RELL1: variants seen among roughly 807,000 people sequenced by gnomAD.
The protein encoded by RELL1 is RELT like 1.
Under a neutral mutation model 23.0 loss-of-function variants are expected in RELL1, and 10 were observed. The ratio of observed to expected loss-of-function variants is 0.43; its 90% CI spans 0.27 to 0.74. The LOEUF is 0.74. Among genes scored for constraint, RELL1 ranks in the 30% least tolerant of loss-of-function variants. The pLI, the probability that RELL1 is intolerant of heterozygous loss-of-function variation, is 0.19. For missense variants in RELL1, 315 were observed against 364.4 expected (o/e 0.86, Z 1.10); for synonymous variants, 146 against 146.8 (o/e 0.99, Z 0.04).
At chr4:37,599,704 A>G (rs1718966433) in intron 6 of RELL1, among the ~76,000 whole-genome samples, 1 of 152,138 alleles carries the variant, frequency 6.6e-6, no homozygotes, top group Non-Finnish European at 1.5e-5. Flanking sequence ...CTTCAGCTTT[A>G]TCTGTAAAAT....
intron 1 of RELL1, among the ~76,000 whole-genome samples, chr4:37,675,389 T>C (rs1303270291): frequency 1.3e-5 from 2 of 152,218 alleles, no homozygotes; most frequent in African/African-American, 4.8e-5. Context: ...ATTCCCCTTC[T>C]CTTCATCTTG....
chr4:37,649,687 C>T (rs932323402), intron 1 of RELL1, among the ~76,000 whole-genome samples, 187 bp from the exon 2 acceptor site: 39 of 152,262 alleles, frequency 2.6e-4, no homozygotes, highest in African/African-American at 9.4e-4. Context: ...GAGTTTAACT[C>T]TGCTACTCAT....
In RELL1 at chr4:37,590,929, G is replaced by A. The variant is rs1192322350; in HGVS notation, c.*292C>T. ...GGATGGGGAGATTGTGGACGAGGAT[G>A]CAGCGGTGGCGGAGGCCCTTGCAGC... On this transcript the variant is annotated 3_prime_UTR_variant, in exon 7 of 7. Coordinates refer to the RELL1 transcript ENST00000314117. 6 of 1,614,250 alleles carry A rather than the reference G, an allele frequency of 3.7e-6. No homozygotes were observed. The South Asian group carries it at 4.4e-5, about 12-fold the overall frequency.
chr4:37,674,334 G>C (rs1047684007), intron 1 of RELL1, among the ~76,000 whole-genome samples: 2 of 152,194 alleles, frequency 1.3e-5, no homozygotes, highest in Non-Finnish European at 2.9e-5. Flanking sequence ...TGATCTACAA[G>C]TTTTACCTGC....
chr4:37,660,828 A>G (rs370711665), intron 1 of RELL1, among the ~76,000 whole-genome samples: 168 of 152,250 alleles, frequency 1.1e-3, no homozygotes, highest in South Asian at 3.5e-3. Flanking sequence ...TCAGGAGATC[A>G]AGACCATCCT....
intron 1 of RELL1, among the ~76,000 whole-genome samples, chr4:37,664,331 G>A (rs985975009): frequency 6.7e-6 from 1 of 149,942 alleles, no homozygotes; most frequent in African/African-American, 2.5e-5. Flanking sequence ...GGCTTGCAGT[G>A]AGCTGAGATC....
intron 1 of RELL1, among the ~76,000 whole-genome samples, chr4:37,659,644 C>T (rs996842525): frequency 4.7e-4 from 71 of 152,132 alleles, no homozygotes; most frequent in African/African-American, 1.5e-3. Context: ...CCTCCCTGGG[C>T]CTCAGTTTCC....
At chr4:37,627,659 T>C (rs78821065) in intron 6 of RELL1, among the ~76,000 whole-genome samples, 3,885 of 152,270 alleles carry the variant, frequency 0.026, 192 homozygotes, top group East Asian at 0.12. Flanking sequence ...CTATTTAGAA[T>C]ATAAGTTTAG....
chr4:37,652,963 TG>T (rs1349414159), intron 1 of RELL1, among the ~76,000 whole-genome samples: 1 of 152,228 alleles, frequency 6.6e-6, no homozygotes, highest in Non-Finnish European at 1.5e-5. Flanking sequence ...TTAACTGTTC[TG>T]TACTCTGTTT....
intron 2 of RELL1, among the ~76,000 whole-genome samples, chr4:37,648,822 T>C (rs1720795687): frequency 6.6e-6 from 1 of 152,234 alleles, no homozygotes; most frequent in African/African-American, 2.4e-5. Flanking sequence ...TTCACTCTTA[T>C]TCGAATCTGA....
chr4:37,681,394 A>G (rs4832931), intron 1 of RELL1, among the ~76,000 whole-genome samples: 150,483 of 152,292 alleles, frequency 0.99, 74,367 homozygotes, highest in East Asian at 1. Flanking sequence ...TTTCAGAGAC[A>G]AGAGCTCAGT....
chr4:37,681,883 C>G (rs1183366019), intron 1 of RELL1, among the ~76,000 whole-genome samples: 2 of 152,140 alleles, frequency 1.3e-5, no homozygotes, highest in Non-Finnish European at 2.9e-5. Context: ...GGTGCTCTTT[C>G]CACCATAGCA....
chr4:37,590,629 T>G, downstream of RELL1: 9 of 1,614,090 alleles, frequency 5.6e-6, no homozygotes, highest in Non-Finnish European at 7.6e-6. Context: ...CCTTCAGCAT[T>G]GGGGCCCAGC....
chr4:37,677,621 C>A (rs1443511182), intron 1 of RELL1, among the ~76,000 whole-genome samples: 1 of 152,162 alleles, frequency 6.6e-6, no homozygotes, highest in East Asian at 1.9e-4. Flanking sequence ...AAAGTTCTTC[C>A]AGAAGAAAAT....
chr4:37,670,967 AT>A (rs1402513863), intron 1 of RELL1, among the ~76,000 whole-genome samples: 1 of 152,204 alleles, frequency 6.6e-6, no homozygotes, highest in Non-Finnish European at 1.5e-5. Context: ...CAACGTTTTC[AT>A]ATTATGAGTT....
intron 3 of RELL1, among the ~76,000 whole-genome samples, chr4:37,644,438 T>TTTATTTATTTA (rs1720633335): frequency 1.5e-5 from 2 of 137,810 alleles, no homozygotes; most frequent in South Asian, 2.3e-4. Flanking sequence ...TTATTTTTAT[T>TTTATTTATTTA]TTTATTTATT....
chr4:37,607,477 T>C (rs2109223437), downstream of RELL1, among the ~76,000 whole-genome samples: 1 of 152,304 alleles, frequency 6.6e-6, no homozygotes, highest in East Asian at 1.9e-4. Flanking sequence ...TTTGCAGATA[T>C]TGTAGGGTTT....
chr4:37,610,577 G>A (rs1323678695), downstream of RELL1, among the ~76,000 whole-genome samples: 2 of 152,248 alleles, frequency 1.3e-5, no homozygotes, highest in East Asian at 1.9e-4. The surrounding 1 kb of genome is among the most constrained non-coding windows in gnomAD (Gnocchi z 4.1). Context: ...ATACTGCCAC[G>A]ACTGTATTTC....
intron 1 of RELL1, among the ~76,000 whole-genome samples, chr4:37,674,704 C>T (rs755854426): frequency 2.1e-4 from 31 of 150,842 alleles, no homozygotes; most frequent in Non-Finnish European, 3.8e-4. Flanking sequence ...ACTGTTAGAA[C>T]ATTTGAAAAT....
Sources: gnomAD v4.1 joint callset for allele counts (sites outside exome capture counted in the v4.1 genomes callset) on GRCh38, gnomAD v4.1.1 for gene constraint, Gnocchi (gnomAD v3.1) non-coding constraint, MANE v1.5 for transcripts, NCBI Gene and HGNC (gene_info 2026-07-23, HGNC 2026-07-21) for gene names.